Variants in DMRT2 observed in about 807,000 individuals in gnomAD.
DMRT2 encodes the protein doublesex- and mab-3-related transcription factor 2.
DMRT2 carries 33 observed loss-of-function variants against 43.5 expected under a neutral mutation model. The ratio of observed to expected loss-of-function variants is 0.76; its 90% confidence interval spans 0.58 to 1.01. DMRT2 has a LOEUF of 1.01. DMRT2 is among the 50% of genes least tolerant of loss of function. DMRT2 has a pLI of 0.00. For synonymous variants in DMRT2, 395 were observed against 309.2 expected (o/e 1.28, Z -2.91); for missense variants, 1,064 against 748.0 (o/e 1.42, Z -4.93).
chr9:1,054,793 AC>A (rs962384087), intron 3 of DMRT2: 1 of 152,244 alleles, frequency 6.6e-6, no homozygotes. Context: ...TTGAAAGTAA[AC>A]AAAAATTTTT....
chr9:1,051,956 C>T lies in DMRT2; in HGVS notation c.343C>T (p.Arg115Cys). The change falls in exon 2 of 4, where the codon CGC becomes TGC. Residue 115 changes from arginine (R) to cysteine (C), a missense_variant. Arg to Cys is a radical substitution (Grantham distance 180, BLOSUM62 -3). Coordinates refer to ENST00000358146, the MANE Select transcript of DMRT2 (RefSeq NM_181872.6). This position sits in a 1 kb window ranked among gnomAD's most constrained non-coding sequence, Gnocchi z 5.9. ...TCCCGCGGGCGGCGGCGCGGAGCCG[C>T]GCAAGCTGAGCCGCACGCCCAAGTG... ...CTPAGGGAEP[R>C]KLSRTPKCAR... 1 of 1,397,572 alleles carries T rather than the reference C, an allele frequency of 7.2e-7. No individual in the cohort carries two copies. The highest frequency in any genetic ancestry group is 9.2e-7 in the Non-Finnish European group (1 of 1,082,712). The allele number at this position is 1,397,572 out of a possible 1,614,324, so 86.6% of individuals were successfully genotyped here. A position where few individuals can be genotyped will look rare whatever the true frequency, so the allele number is the denominator to read the frequency against.
At chr9:1,055,582 T>C (rs1013898937) in intron 3 of DMRT2, 49 of 740,452 alleles carry the variant, frequency 6.6e-5, no homozygotes, top group Non-Finnish European at 9.3e-5. Flanking sequence ...AGGGGCCTGG[T>C]TAAATTGTTC....
In DMRT2 at chr9:1,055,666, T is replaced by G. The variant is rs530324849; in HGVS notation, c.629-550T>G. 30 of 1,431,190 alleles carry G rather than the reference T, an allele frequency of 2.1e-5. 1 individual carries two copies. The highest frequency in any genetic ancestry group is 9.2e-5 in the South Asian group (6 of 65,370). The allele number at this position is 1,431,190 out of a possible 1,614,324, so 88.7% of individuals were successfully genotyped here. ...CTTCTCTATTTTCTTAAGCCTTTTT[T>G]TTCTTTTTCTACTCGCTAATCTCCT... is the stretch of plus-strand genomic sequence containing the variant. On this transcript the variant is annotated intron_variant, in intron 3 of 3. Transcript: ENST00000358146.
chr9:1,053,362 T>C (rs1315822161), intron 2 of DMRT2, among the ~76,000 whole-genome samples: 1 of 152,252 alleles, frequency 6.6e-6, no homozygotes, highest in African/African-American at 2.4e-5. Context: ...CCAGCCTGGC[T>C]GCAACCATCT....
In DMRT2 at chr9:1,051,764, G is replaced by T; in HGVS notation, c.151G>T (p.Asp51Tyr). ...PADGDCEDDE[D>Y]DDGVDEDAEE... Reference sequence around the variant, plus strand: ...GGACGGGGACTGCGAGGACGACGAAGATGACGACGGGGTGGACGAAGACGC... The same window carrying T: ...GGACGGGGACTGCGAGGACGACGAATATGACGACGGGGTGGACGAAGACGC... The change falls in exon 2 of 4, where the codon GAT becomes TAT. Residue 51 changes from aspartate (D) to tyrosine (Y), a missense_variant. Transcript: ENST00000358146. The surrounding 1 kb of genome is among the most constrained non-coding windows in gnomAD (Gnocchi z 5.9). 4.6e-6 allele frequency: 7 copies of T among 1,525,766 alleles called. No homozygotes were observed. Among genetic ancestry groups the T allele is most frequent in the Non-Finnish European group, 6.1e-6 (7 of 1,139,268 alleles). The allele number at this position is 1,525,766 out of a possible 1,614,324, so 94.5% of individuals were successfully genotyped here. A position where few individuals can be genotyped will look rare whatever the true frequency, so the allele number is the denominator to read the frequency against.
At chr9:1,053,632 T>G in intron 2 of DMRT2, 90 bp from the exon 3 acceptor site, 1 of 1,114,142 alleles carries the variant, frequency 9.0e-7, no homozygotes, top group Non-Finnish European at 1.3e-6. Context: ...GGGGGAGAGT[T>G]TCTAGAAGAT....
At position 1,050,444 on chromosome 9, in the gene DMRT2, C is replaced by T. The variant is rs1056756977; in HGVS notation, c.-376C>T. The T allele has an allele frequency of 6.6e-6, 1 of 152,224 alleles. No homozygotes were observed. The highest frequency in any genetic ancestry group is 2.4e-5 in the African/African-American group (1 of 41,462). The allele number at this position is 152,224 out of a possible 1,614,324, so 9.4% of individuals were successfully genotyped here. A position where few individuals can be genotyped will look rare whatever the true frequency, so the allele number is the denominator to read the frequency against. On this transcript the variant is annotated 5_prime_UTR_variant, in exon 1 of 4. Coordinates refer to ENST00000358146, the MANE Select transcript of DMRT2 (RefSeq NM_181872.6). The stretch of plus-strand genomic sequence containing the variant: ...CGGGGGCGGCCCGACCTTTCCCGCC[C>T]AGCCTGGGTCAGAGGAAGCCGAAAG...
rs1462126006 is a variant in DMRT2 at position 1,056,718 on chromosome 9, C to A, written c.1131C>A (p.Asp377Glu). 2 of 1,614,010 alleles carry A rather than the reference C, an allele frequency of 1.2e-6. No individual in the cohort carries two copies. The highest frequency in any genetic ancestry group is 1.3e-5 in the African/African-American group (1 of 74,900). The change falls in exon 4 of 4, where the codon GAC becomes GAA. Residue 377 changes from aspartate to glutamate, a missense_variant. By Grantham distance (45) the Asp-to-Glu change is conservative. Transcript: ENST00000358146. ...CCCTGAAGCCTGGGGCCAGCTGGGA[C>A]TTGAAGGGAGCACGAGTCCAGGATG... is the stretch of plus-strand genomic sequence containing the variant. ...VQALKPGASW[D>E]LKGARVQDGL...
intron 2 of DMRT2, 41 bp downstream of exon 2, chr9:1,052,179 A>C (rs1451355487): frequency 7.6e-7 from 1 of 1,308,658 alleles, no homozygotes; most frequent in Non-Finnish European, 9.7e-7. Flanking sequence ...GCCACAGTGG[A>C]GGTGGGGGAG....
rs372603448 is a variant in DMRT2 at position 1,056,810 on chromosome 9, C to T, written c.1223C>T (p.Pro408Leu). Residue 408 changes from proline (P) to leucine (L), a missense_variant, in exon 4 of 4, where the codon CCT (proline) becomes CTT (leucine). Coordinates refer to ENST00000358146, the MANE Select transcript of DMRT2 (RefSeq NM_181872.6). ...GGTTCCCTGGTGCTGCCTCACACTC[C>T]TGAGATCCAGACCACGAGAAGTGAC... ...LEGSLVLPHT[P>L]EIQTTRSDLQ... is the part of the protein sequence containing the mutation. 3 of 1,614,134 alleles carry T rather than the reference C, an allele frequency of 1.9e-6. No individual in the cohort carries two copies. The highest frequency in any genetic ancestry group is 1.7e-5 in the Admixed American group (1 of 60,020).
At chr9:1,053,662 C>A (rs1821769615) in intron 2 of DMRT2, 60 bp from the exon 3 acceptor site, 2 of 1,410,892 alleles carry the variant, frequency 1.4e-6, no homozygotes, top group Non-Finnish European at 2.0e-6. Context: ...TCCCGTCCTT[C>A]CCCCTTCTCG....
Position 1,051,777 on chromosome 9 carries a change from T to A in DMRT2, c.164T>A (p.Val55Glu). The change falls in exon 2 of 4, where the codon GTG (valine) becomes GAG (glutamate). Residue 55 changes from valine to glutamate, a missense_variant. By Grantham distance (121) the Val-to-Glu change is moderately radical. Coordinates refer to ENST00000358146, the MANE Select transcript of DMRT2 (RefSeq NM_181872.6). This position sits in a 1 kb window ranked among gnomAD's most constrained non-coding sequence, Gnocchi z 5.9. Reference sequence around the variant, plus strand: ...GAGGACGACGAAGATGACGACGGGGTGGACGAAGACGCGGAAGAAGAGGGC... The same window carrying A: ...GAGGACGACGAAGATGACGACGGGGAGGACGAAGACGCGGAAGAAGAGGGC... ...DCEDDEDDDG[V>E]DEDAEEEGDG... is the part of the protein sequence containing the mutation. 1 of 1,516,250 alleles carries A rather than the reference T, an allele frequency of 6.6e-7. No homozygotes were observed. Among genetic ancestry groups the A allele is most frequent in the Non-Finnish European group, 8.8e-7 (1 of 1,135,340 alleles). 93.9% of individuals were successfully genotyped at this position (1,516,250 alleles called of 1,614,324 possible).
Position 1,051,697 on chromosome 9 carries a change from G to T in DMRT2, c.84G>T (p.Gly28=). ...TGGAGCTGGAAGAGGACGTCTGCGG[G>T]GCGCCGCGGTCCACGCCCCCCGGGC... ...ESLELEEDVC[G]APRSTPPGPS... The change falls in exon 2 of 4, where the codon GGG becomes GGT. Residue 28 remains glycine (G), a synonymous_variant. Transcript: ENST00000358146. The surrounding 1 kb of genome is among the most constrained non-coding windows in gnomAD (Gnocchi z 5.9). 1.3e-6 allele frequency: 2 copies of T among 1,556,240 alleles called. No individual in the cohort carries two copies. The highest frequency in any genetic ancestry group is 1.7e-6 in the Non-Finnish European group (2 of 1,157,776).
rs1821489842 is a variant in DMRT2 at position 1,050,493 on chromosome 9, C to T, written c.-327C>T. 1 of 152,258 alleles carries T rather than the reference C, an allele frequency of 6.6e-6. No homozygotes were observed. The highest frequency in any genetic ancestry group is 1.5e-5 in the Non-Finnish European group (1 of 68,078). The allele number at this position is 152,258 out of a possible 1,614,324, so 9.4% of individuals were successfully genotyped here. On this transcript the variant is annotated 5_prime_UTR_variant, in exon 1 of 4. Coordinates refer to ENST00000358146, the MANE Select transcript of DMRT2 (RefSeq NM_181872.6). ...AGCGGCCTCAGCAAGGTGAGGCGCC[C>T]GAGGCTGCAGAAGACCGAGCAGAAC...
Position 1,056,238 on chromosome 9 carries a change from G to C in DMRT2, c.651G>C (p.Glu217Asp), listed in dbSNP as rs762086031. The C allele has an allele frequency of 1.2e-6, 2 of 1,611,576 alleles. No homozygotes were observed. Among genetic ancestry groups the C allele is most frequent in the African/African-American group, 1.3e-5 (1 of 74,636 alleles). The change falls in exon 4 of 4, where the codon GAG (glutamate) becomes GAC (aspartate). Residue 217 changes from glutamate (E) to aspartate (D), a missense_variant. By Grantham distance (45) the Glu-to-Asp change is conservative. Coordinates refer to ENST00000358146, the MANE Select transcript of DMRT2 (RefSeq NM_181872.6). ...ILEGYRPIPA[E>D]TYVGGTFPLP... The stretch of plus-strand genomic sequence containing the variant: ...TAGGCTATCGCCCCATTCCAGCGGA[G>C]ACTTATGTAGGAGGGACCTTCCCTC...
chr9:1,053,603 AAATT>A, intron 2 of DMRT2, 115 bp from the exon 3 acceptor site: 1 of 893,010 alleles, frequency 1.1e-6, no homozygotes, highest in South Asian at 1.7e-5. Flanking sequence ...CGGAATGGGA[AAATT>A]CAATACATTT....
chr9:1,054,346 C>T (rs577533512), intron 3 of DMRT2, among the ~76,000 whole-genome samples: 12 of 151,882 alleles, frequency 7.9e-5, no homozygotes, highest in Non-Finnish European at 1.8e-4. Flanking sequence ...AACAGCTGCT[C>T]GCAACCAGTA....
chr9:1,053,807 C>T lies in DMRT2; in HGVS notation c.611C>T (p.Ala204Val). ...QRQVRAPSLLAKSILEGYRPI... is the reference protein window; with the variant it reads ...QRQVRAPSLLVKSILEGYRPI... The stretch of plus-strand genomic sequence containing the variant: ...CAAGTCAGAGCCCCCAGTTTGCTGG[C>T]CAAAAGCATTTTAGAAGGTAAAGCA... The change falls in exon 3 of 4, where the codon GCC (alanine) becomes GTC (valine). Residue 204 changes from alanine to valine, a missense_variant. Ala to Val is a moderately conservative substitution (Grantham distance 64, BLOSUM62 0). Transcript: ENST00000358146. The T allele has an allele frequency of 6.2e-7, 1 of 1,613,934 alleles. No individual in the cohort carries two copies.
chr9:1,056,967 C>T lies in DMRT2; in HGVS notation c.1380C>T (p.Thr460=), dbSNP rs149583126. 6 of 1,614,040 alleles carry T rather than the reference C, an allele frequency of 3.7e-6. No individual in the cohort carries two copies. The African/African-American group carries it at 4.0e-5, about 11-fold the overall frequency. The change falls in exon 4 of 4, where the codon ACC becomes ACT. Residue 460 remains threonine, a synonymous_variant. Coordinates refer to ENST00000358146, the MANE Select transcript of DMRT2 (RefSeq NM_181872.6). ...HVLTKISKEN[T]RHPLPLRHNP... is the part of the protein sequence containing the mutation. ...TAACGAAGATCAGCAAAGAAAACAC[C>T]AGGCACCCTCTGCCACTTAGACATA... is the stretch of plus-strand genomic sequence containing the variant.
Sources: gnomAD v4.1 joint callset for allele counts (sites outside exome capture counted in the v4.1 genomes callset) on GRCh38, gnomAD v4.1.1 for gene constraint, Gnocchi (gnomAD v3.1) non-coding constraint, MANE v1.5 for transcripts, NCBI Gene and HGNC (gene_info 2026-07-23, HGNC 2026-07-21) for gene names.